The following NCKAP5 variants were observed in gnomAD, a reference collection of about 807,000 sequenced individuals.
NCKAP5 encodes nck-associated protein 5.
Under a neutral mutation model 167.0 loss-of-function variants are expected in NCKAP5, and 92 were observed. The ratio of observed to expected loss-of-function variants is 0.55; its 90% CI spans 0.47 to 0.66. NCKAP5 has a LOEUF of 0.66. Ranked by LOEUF, NCKAP5 falls within the 30% of genes least tolerant of loss-of-function variation. The probability of loss-of-function intolerance (pLI) is 0.00; values close to 1 mark genes in which losing one functional copy is unlikely to be tolerated. For synonymous variants in NCKAP5, 891 were observed against 877.4 expected (o/e 1.02, Z -0.27); for missense variants, 2,378 against 2,315.0 (o/e 1.03, Z -0.56).
chr2:133,652,209 G>A, the NCKAP5 span, among the ~76,000 whole-genome samples: 1 of 152,098 alleles, frequency 6.6e-6, no homozygotes, highest in Admixed American at 6.5e-5. Context: ...TTCCTAATCA[G>A]GAAAGACAGA....
chr2:132,802,285 C>T (rs1042827965), intron 11 of NCKAP5, among the ~76,000 whole-genome samples: 3 of 152,182 alleles, frequency 2.0e-5, no homozygotes, highest in African/African-American at 7.2e-5. Flanking sequence ...GTTTAGGGAT[C>T]ACCCTCCCTC....
chr2:132,688,803 C>T (rs537726343), intron 19 of NCKAP5, among the ~76,000 whole-genome samples: 26 of 151,824 alleles, frequency 1.7e-4, no homozygotes, highest in South Asian at 2.1e-4. Context: ...CTGGGCAACA[C>T]GGTGAGACTC....
chr2:132,980,753 G>C (rs572481552), intron 7 of NCKAP5, among the ~76,000 whole-genome samples: 2 of 152,070 alleles, frequency 1.3e-5, no homozygotes. Context: ...TCCCCCAGTG[G>C]TGATGTTCAA....
intron 5 of NCKAP5, among the ~76,000 whole-genome samples, chr2:133,188,614 C>T (rs1204672332): frequency 1.3e-5 from 2 of 152,064 alleles, no homozygotes; most frequent in Non-Finnish European, 2.9e-5. Context: ...CAAACTAGAA[C>T]TCAGGATTAA....
chr2:133,649,183 A>G, the NCKAP5 span, among the ~76,000 whole-genome samples: 4 of 151,212 alleles, frequency 2.6e-5, no homozygotes, highest in Non-Finnish European at 5.9e-5. Flanking sequence ...TCAAGACGAA[A>G]TTATGAAGAA....
chr2:133,628,756 C>A, the NCKAP5 span, among the ~76,000 whole-genome samples: 2 of 152,128 alleles, frequency 1.3e-5, no homozygotes, highest in African/African-American at 4.8e-5. Context: ...GCTACAGTAA[C>A]CAAAACATCA....
At chr2:133,014,998 C>T (rs1410416570) in intron 6 of NCKAP5, among the ~76,000 whole-genome samples, 11 of 152,140 alleles carry the variant, frequency 7.2e-5, no homozygotes, top group South Asian at 4.2e-4. Context: ...AATTTTGATG[C>T]GTAGTATTTG....
intron 5 of NCKAP5, among the ~76,000 whole-genome samples, chr2:133,143,002 T>A (rs1203132498): frequency 1.3e-5 from 2 of 152,254 alleles, no homozygotes; most frequent in South Asian, 2.1e-4. Flanking sequence ...GGCAAGACCA[T>A]AAAACATTTT....
intron 6 of NCKAP5, among the ~76,000 whole-genome samples, chr2:133,076,196 G>A (rs1376025765): frequency 6.6e-6 from 1 of 152,108 alleles, no homozygotes; most frequent in Non-Finnish European, 1.5e-5. Context: ...CCTACTTATA[G>A]TTCTGCCTTC....
chr2:132,952,972 C>A (rs2076234131), intron 8 of NCKAP5, among the ~76,000 whole-genome samples: 1 of 152,216 alleles, frequency 6.6e-6, no homozygotes, highest in African/African-American at 2.4e-5. Flanking sequence ...TAGTTAAGAA[C>A]ACCTCTAAAC....
intron 3 of NCKAP5, among the ~76,000 whole-genome samples, chr2:133,318,822 C>T (rs890890589): frequency 5.9e-5 from 9 of 152,268 alleles, no homozygotes; most frequent in African/African-American, 2.2e-4. Context: ...CTGGGTTCTA[C>T]CTGGGATGAC....
intron 19 of NCKAP5, among the ~76,000 whole-genome samples, chr2:132,721,005 C>A (rs1229114253): frequency 3.8e-5 from 5 of 130,492 alleles, no homozygotes; most frequent in Non-Finnish European, 6.5e-5. Context: ...CACAGTGAGA[C>A]TCCATCTCAA....
intron 3 of NCKAP5, among the ~76,000 whole-genome samples, chr2:133,304,212 TGGGAGAAAGACAGGAG>T (rs1185162881): frequency 6.6e-6 from 1 of 152,168 alleles, no homozygotes; most frequent in Non-Finnish European, 1.5e-5. Context: ...GGTGAGGGGC[TGGGAGAAAGACAGGAG>T]TTGATCCCAT....
intron 4 of NCKAP5, among the ~76,000 whole-genome samples, chr2:133,248,598 T>C (rs2088131840): frequency 6.6e-6 from 1 of 152,248 alleles, no homozygotes; most frequent in Non-Finnish European, 1.5e-5. Context: ...CATGTGTCCT[T>C]GCTCAACCCA....
intron 11 of NCKAP5, among the ~76,000 whole-genome samples, chr2:132,825,963 C>CT (rs1378491242): frequency 6.6e-6 from 1 of 152,232 alleles, no homozygotes; most frequent in East Asian, 1.9e-4. Flanking sequence ...ACAGTGCTCA[C>CT]TTGCAAAGGG....
chr2:133,246,240 C>T (rs1307710968), intron 4 of NCKAP5, among the ~76,000 whole-genome samples: 1 of 149,484 alleles, frequency 6.7e-6, no homozygotes, highest in East Asian at 2.0e-4. Context: ...ACACTGAAAA[C>T]CAAACTGTAT....
At chr2:133,591,467 G>A in the NCKAP5 span, among the ~76,000 whole-genome samples, 1 of 152,234 alleles carries the variant, frequency 6.6e-6, no homozygotes, top group African/African-American at 2.4e-5. Context: ...TTTCCAGGAA[G>A]GAGGGGGAGA....
intron 3 of NCKAP5, among the ~76,000 whole-genome samples, chr2:133,466,166 C>G (rs1692570556): frequency 7.0e-6 from 1 of 143,630 alleles, no homozygotes; most frequent in Non-Finnish European, 1.5e-5. Context: ...GTCTTTAATC[C>G]ATCTTGAATT....
the NCKAP5 span, among the ~76,000 whole-genome samples, chr2:133,605,990 C>T: frequency 6.6e-6 from 1 of 152,148 alleles, no homozygotes; most frequent in Non-Finnish European, 1.5e-5. Context: ...CGAACTATCT[C>T]TTTGCATATG....
Sources: gnomAD v4.1 joint callset for allele counts (sites outside exome capture counted in the v4.1 genomes callset) on GRCh38, gnomAD v4.1.1 for gene constraint, MANE v1.5 for transcripts, NCBI Gene and HGNC (gene_info 2026-07-23, HGNC 2026-07-21) for gene names.